The following MBD2 variants were observed in gnomAD, a reference collection of about 807,000 sequenced individuals.
MBD2 encodes the protein methyl-CpG-binding domain protein 2.
MBD2 carries 9 observed loss-of-function variants against 39.3 expected under a neutral mutation model. That is an observed-to-expected ratio of 0.23 (90% CI 0.14 to 0.40). MBD2 has a LOEUF of 0.40. MBD2 is among the 10% of genes least tolerant of loss of function. MBD2 has a pLI of 1.00. For synonymous variants in MBD2, 233 were observed against 211.1 expected (o/e 1.10, Z -0.90); for missense variants, 458 against 532.6 (o/e 0.86, Z 1.38).
intron 3 of MBD2, among the ~76,000 whole-genome samples, chr18:54,172,491 TTTC>T (rs1278243475): frequency 6.6e-6 from 1 of 152,210 alleles, no homozygotes; most frequent in Non-Finnish European, 1.5e-5. Context: ...TTTTGAATTT[TTTC>T]TTAAGAATAC....
At chr18:54,161,542 C>T (rs193177255) in intron 5 of MBD2, among the ~76,000 whole-genome samples, 26 of 152,298 alleles carry the variant, frequency 1.7e-4, no homozygotes, top group African/African-American at 6.3e-4. Flanking sequence ...TCACAGCTGT[C>T]CTAGAGTAAC....
chr18:54,224,647 C>T lies in MBD2; in HGVS notation c.-88G>A. 1.0e-6 allele frequency: 1 copy of T among 980,410 alleles called. No individual in the cohort carries two copies. Among genetic ancestry groups the T allele is most frequent in the Non-Finnish European group, 1.3e-6 (1 of 758,756 alleles). 60.7% of individuals were successfully genotyped at this position (980,410 alleles called of 1,614,324 possible). On this transcript the variant is annotated 5_prime_UTR_variant, in exon 1 of 7. Transcript: ENST00000256429. ...CCCGCCCCGCCCGCAGCGCGGCGCGCGGGGGACGCGCGCAAGCATCATAGA... is the reference window on the plus strand; with the variant it reads ...CCCGCCCCGCCCGCAGCGCGGCGCGTGGGGGACGCGCGCAAGCATCATAGA...
At chr18:54,222,402 G>GA (rs756716181) in intron 1 of MBD2, 2 of 512,600 alleles carry the variant, frequency 3.9e-6, no homozygotes, top group South Asian at 2.8e-5. Context: ...GAGGACCTGT[G>GA]AAAGTGCTCA....
chr18:54,201,123 A>G (rs1160568814), intron 2 of MBD2, among the ~76,000 whole-genome samples: 1 of 152,006 alleles, frequency 6.6e-6, no homozygotes, highest in Non-Finnish European at 1.5e-5. Flanking sequence ...GACTAGCCAC[A>G]TGTCAAGCAC....
chr18:54,178,762 T>TC (rs1297913815), intron 3 of MBD2, among the ~76,000 whole-genome samples: 34 of 152,246 alleles, frequency 2.2e-4, no homozygotes, highest in African/African-American at 7.2e-4. Context: ...AGGAAAGGTC[T>TC]CCCCAATACC....
intron 2 of MBD2, among the ~76,000 whole-genome samples, chr18:54,194,581 A>C (rs1450317910): frequency 6.6e-6 from 1 of 151,946 alleles, no homozygotes; most frequent in Non-Finnish European, 1.5e-5. Context: ...ATGTAGCTTA[A>C]TGAAAAAAAT....
At chr18:54,200,396 T>G (rs965162994) in intron 2 of MBD2, among the ~76,000 whole-genome samples, 1 of 152,244 alleles carries the variant, frequency 6.6e-6, no homozygotes, top group Non-Finnish European at 1.5e-5. Context: ...AAACACAAAT[T>G]CAGTATGTTT....
intron 3 of MBD2, chr18:54,187,763 C>T (rs2086294637): frequency 1.0e-6 from 1 of 985,732 alleles, no homozygotes; most frequent in Non-Finnish European, 1.2e-6. Context: ...AAGTTTAGAA[C>T]TTCAAATCTT....
chr18:54,156,126 C>G (rs1163108619), intron 6 of MBD2, among the ~76,000 whole-genome samples: 1 of 152,178 alleles, frequency 6.6e-6, no homozygotes, highest in Non-Finnish European at 1.5e-5. Flanking sequence ...TAAGTCCTAC[C>G]TATACCACAG....
intron 1 of MBD2, 61 bp downstream of exon 1, chr18:54,223,957 C>T (rs903681808): frequency 2.1e-6 from 3 of 1,426,940 alleles, no homozygotes; most frequent in Non-Finnish European, 1.9e-6. Flanking sequence ...TGCCCAGGCC[C>T]GCTCTTGACC....
At chr18:54,164,076 G>A (rs2086114049) in intron 5 of MBD2, among the ~76,000 whole-genome samples, 1 of 151,912 alleles carries the variant, frequency 6.6e-6, no homozygotes, top group African/African-American at 2.4e-5. Flanking sequence ...TGTGGAGATG[G>A]GGTCTCACTG....
intron 2 of MBD2, among the ~76,000 whole-genome samples, chr18:54,198,619 A>C (rs2086383374): frequency 6.6e-6 from 1 of 152,162 alleles, no homozygotes. Context: ...GGAGGCTGAG[A>C]TGGGAGGATC....
chr18:54,163,484 T>C (rs1568078392), intron 5 of MBD2, among the ~76,000 whole-genome samples: 2 of 152,116 alleles, frequency 1.3e-5, no homozygotes, highest in African/African-American at 4.8e-5. Flanking sequence ...AAAATAATGA[T>C]ATTGAGGTCA....
rs182501798 is a variant in MBD2, at chr18:54,204,714, G to T, written c.702+284C>A. ...TTTGGTCAACAGGAACTATTTTGAG[G>T]GGAAAAAGAAAAAAGGAGACAATTA... On this transcript the variant is annotated intron_variant, in intron 2 of 6. Coordinates refer to ENST00000256429, the MANE Select transcript of MBD2 (RefSeq NM_003927.5). 1.4e-4 allele frequency among the ~76,000 whole-genome samples: 21 copies of T among 152,108 alleles called. No individual in the cohort carries two copies. In the East Asian group the frequency reaches 4.1e-3, roughly 29 times the overall value.
At chr18:54,189,912 G>A (rs2086309134) in intron 2 of MBD2, among the ~76,000 whole-genome samples, 1 of 152,122 alleles carries the variant, frequency 6.6e-6, no homozygotes, top group South Asian at 2.1e-4. Context: ...GCCTCCCAAA[G>A]TGCTGGGATT....
chr18:54,180,925 T>A (rs2086247689), intron 3 of MBD2, among the ~76,000 whole-genome samples: 1 of 142,392 alleles, frequency 7.0e-6, no homozygotes, highest in Admixed American at 7.0e-5. Context: ...TTTTTTTTTT[T>A]TGAGACAGGG....
rs966011068 is a variant in MBD2, at chr18:54,151,879, C to T, written c.*3445G>A. ...GGAAGCCACCAAGGGCATTTCTTTCCTTTATAATACATACAGCTTCTAACA... is the reference window on the plus strand; with the variant it reads ...GGAAGCCACCAAGGGCATTTCTTTCTTTTATAATACATACAGCTTCTAACA... On this transcript the variant is annotated 3_prime_UTR_variant, in exon 7 of 7. Transcript: ENST00000256429. 3.2e-4 allele frequency: 48 copies of T among 150,680 alleles called. No individual in the cohort carries two copies. The highest frequency in any genetic ancestry group is 1.1e-3 in the African/African-American group (45 of 41,150). 9.3% of individuals were successfully genotyped at this position (150,680 alleles called of 1,614,324 possible). A position where few individuals can be genotyped will look rare whatever the true frequency, so the allele number is the denominator to read the frequency against.
At chr18:54,189,047 T>C in intron 2 of MBD2, 36 bp from the exon 3 acceptor site, 1 of 1,388,372 alleles carries the variant, frequency 7.2e-7, no homozygotes, top group South Asian at 1.4e-5. Context: ...TAAAATATTA[T>C]ATATAAACAC....
At position 54,191,538 on chromosome 18, in the gene MBD2, T is replaced by C. The variant is rs148664114; in HGVS notation, c.703-2527A>G. Among the ~76,000 whole-genome samples, 385 of 152,354 alleles carry C rather than the reference T, an allele frequency of 2.5e-3. 1 individual carries two copies. The highest frequency in any genetic ancestry group is 4.4e-3 in the Non-Finnish European group (296 of 68,034). ...ACAATAGGCTGTGACTGATTAGAAA[T>C]GGCTGTCCAGTAGTGGCCTCAGGGT... On this transcript the variant is annotated intron_variant, in intron 2 of 6. Coordinates refer to ENST00000256429, the MANE Select transcript of MBD2 (RefSeq NM_003927.5).
Sources: allele counts gnomAD v4.1 joint callset (sites outside exome capture counted in the v4.1 genomes callset), GRCh38; gene constraint gnomAD v4.1.1; transcripts MANE v1.5; gene names NCBI Gene and HGNC (gene_info 2026-07-23, HGNC 2026-07-21).